The following SNCAIP variants were observed in gnomAD, a reference collection of about 807,000 sequenced individuals.
SNCAIP encodes the protein synphilin-1.
Under a neutral mutation model 86.7 loss-of-function variants are expected in SNCAIP, and 43 were observed. The observed-to-expected ratio is 0.50, with a 90% CI of 0.39 to 0.64. The LOEUF (loss-of-function observed/expected upper bound fraction) is 0.64, where lower values mean the gene tolerates loss of function less well. SNCAIP is among the 30% of genes least tolerant of loss of function. The pLI is 0.00. For synonymous variants in SNCAIP, 417 were observed against 427.2 expected (o/e 0.98, Z 0.29); for missense variants, 981 against 1,103.1 (o/e 0.89, Z 1.57).
At chr5:122,418,234 A>T (rs557442660) in intron 3 of SNCAIP, among the ~76,000 whole-genome samples, 2 of 152,334 alleles carry the variant, frequency 1.3e-5, no homozygotes, top group Admixed American at 1.3e-4. Context: ...AAACAAATAC[A>T]AGAGCTGCTA....
chr5:122,412,666 C>T (rs1325611511), intron 3 of SNCAIP, among the ~76,000 whole-genome samples: 1 of 152,182 alleles, frequency 6.6e-6, no homozygotes, highest in Non-Finnish European at 1.5e-5. Context: ...CAAACACCAT[C>T]TACATGCTGC....
At chr5:122,418,304 A>G (rs776556926) in intron 3 of SNCAIP, among the ~76,000 whole-genome samples, 2 of 152,230 alleles carry the variant, frequency 1.3e-5, no homozygotes, top group Non-Finnish European at 2.9e-5. Flanking sequence ...AAACCTAGTA[A>G]TTTAAGTATC....
chr5:122,424,077 G>A (rs535563739), intron 4 of SNCAIP, among the ~76,000 whole-genome samples: 2 of 152,256 alleles, frequency 1.3e-5, no homozygotes, highest in South Asian at 2.1e-4. Flanking sequence ...GTGCTCTCAC[G>A]CAGCTATTTG....
At chr5:122,360,963 A>G (rs747125488) in intron 1 of SNCAIP, among the ~76,000 whole-genome samples, 4 of 152,116 alleles carry the variant, frequency 2.6e-5, no homozygotes, top group Non-Finnish European at 4.4e-5. Context: ...TTCATGGTAA[A>G]TAGTGAAAAA....
At chr5:122,451,813 G>C in intron 10 of SNCAIP, 1 of 537,848 alleles carries the variant, frequency 1.9e-6, no homozygotes, top group Non-Finnish European at 3.3e-6. Flanking sequence ...TACTCTAAGA[G>C]AGAAAGGTTA....
At chr5:122,390,993 A>C (rs1373760978) in intron 1 of SNCAIP, 96 bp from the exon 2 acceptor site, 2 of 707,834 alleles carry the variant, frequency 2.8e-6, no homozygotes, top group East Asian at 5.3e-5. Flanking sequence ...GCACCCAATA[A>C]CCCTTCTCAT....
At chr5:122,403,976 T>C (rs1772417585) in intron 3 of SNCAIP, 111 bp downstream of exon 3, 2 of 802,748 alleles carry the variant, frequency 2.5e-6, no homozygotes, top group African/African-American at 1.7e-5. Flanking sequence ...CTTTTCTCTT[T>C]ACGGCTTCTC....
rs996415299 is a variant in SNCAIP, at chr5:122,450,597, G to A, written c.1750G>A (p.Val584Ile). Residue 584 changes from valine (V) to isoleucine (I), a missense_variant, in exon 10 of 11, where the codon GTA becomes ATA. Physicochemically the swap from Val to Ile is conservative, Grantham distance 29. Transcript: ENST00000261368. ...WKSPDADDDS[V>I]AKSKPGVQEG... ...ATCTCCAGATGCAGATGATGATTCT[G>A]TAGCCAAAAGCAAGCCAGGAGTCCA... 2 of 1,613,978 alleles carry A rather than the reference G, an allele frequency of 1.2e-6. No homozygotes were observed. The highest frequency in any genetic ancestry group is 2.7e-5 in the African/African-American group (2 of 74,888).
At chr5:122,330,710 C>T (rs1755139730) in intron 1 of SNCAIP, among the ~76,000 whole-genome samples, 1 of 152,054 alleles carries the variant, frequency 6.6e-6, no homozygotes, top group African/African-American at 2.4e-5. Flanking sequence ...TTTTTGGCAC[C>T]AGGGACTGGT....
intron 3 of SNCAIP, among the ~76,000 whole-genome samples, chr5:122,410,012 T>G (rs1394211311): frequency 1.3e-5 from 2 of 152,126 alleles, no homozygotes. Context: ...AATGAACACT[T>G]CAACCTGATG....
At position 122,451,340 on chromosome 5, in the gene SNCAIP, A is replaced by C; in HGVS notation, c.2493A>C (p.Glu831Asp). 6.2e-7 allele frequency: 1 copy of C among 1,614,174 alleles called. No homozygotes were observed. Residue 831 changes from glutamate (E) to aspartate (D), a missense_variant, in exon 10 of 11, where the codon GAA becomes GAC. Physicochemically the swap from Glu to Asp is conservative, Grantham distance 45. Transcript: ENST00000261368. ...PVVQMEQPSL[E>D]LNGEKDKDKG... ...TGCAGATGGAGCAGCCTAGCCTTGAACTGAATGGAGAAAAAGACAAAGATA... is the reference window on the plus strand; with the variant it reads ...TGCAGATGGAGCAGCCTAGCCTTGACCTGAATGGAGAAAAAGACAAAGATA...
chr5:122,390,893 C>G (rs947520198), intron 1 of SNCAIP, among the ~76,000 whole-genome samples, 196 bp from the exon 2 acceptor site: 1 of 152,218 alleles, frequency 6.6e-6, no homozygotes. Flanking sequence ...GGGAGCCACA[C>G]TGGGGACCAT....
chr5:122,347,309 A>C (rs1419102370), intron 1 of SNCAIP, among the ~76,000 whole-genome samples: 1 of 152,092 alleles, frequency 6.6e-6, no homozygotes, highest in South Asian at 2.1e-4. Context: ...AGTGATGGTC[A>C]TAACATCTTT....
chr5:122,445,025 G>A, intron 8 of SNCAIP: 1 of 438,848 alleles, frequency 2.3e-6, no homozygotes, highest in Admixed American at 3.5e-5. Context: ...CACAACTCAG[G>A]GCCAGATTAC....
intron 7 of SNCAIP, among the ~76,000 whole-genome samples, chr5:122,441,873 C>T (rs1290640238): frequency 6.6e-6 from 1 of 152,112 alleles, no homozygotes; most frequent in Non-Finnish European, 1.5e-5. Flanking sequence ...ATTTTATTTA[C>T]AGACATAAAT....
chr5:122,367,626 A>G (rs1449098988), intron 1 of SNCAIP, among the ~76,000 whole-genome samples: 4 of 152,092 alleles, frequency 2.6e-5, no homozygotes, highest in African/African-American at 9.7e-5. Context: ...AATTTCCCAC[A>G]ACTGTTTGCC....
intron 1 of SNCAIP, chr5:122,312,614 C>T (rs1054236237): frequency 1.3e-5 from 2 of 152,394 alleles, no homozygotes; most frequent in African/African-American, 4.8e-5. Flanking sequence ...TTCTTGCTGT[C>T]ACCCGGGATC....
At chr5:122,363,534 A>C (rs933280296) in intron 1 of SNCAIP, among the ~76,000 whole-genome samples, 1 of 152,142 alleles carries the variant, frequency 6.6e-6, no homozygotes, top group Non-Finnish European at 1.5e-5. Flanking sequence ...AGTGAGGCCC[A>C]GGAGAAGGGA....
chr5:122,380,177 T>G (rs1336409008), intron 1 of SNCAIP, among the ~76,000 whole-genome samples: 1 of 152,192 alleles, frequency 6.6e-6, no homozygotes, highest in Admixed American at 6.5e-5. Context: ...TCCTGTACTC[T>G]TTTTGGTTGG....
Sources: allele counts gnomAD v4.1 joint callset (sites outside exome capture counted in the v4.1 genomes callset), GRCh38; gene constraint gnomAD v4.1.1; transcripts MANE v1.5; gene names NCBI Gene and HGNC (gene_info 2026-07-23, HGNC 2026-07-21).